CAP1: variants seen among roughly 807,000 people sequenced by gnomAD.
The protein encoded by CAP1 is adenylyl cyclase-associated protein 1.
In CAP1, 11 loss-of-function variants were observed where a neutral mutation model predicts 58.2. The ratio of observed to expected loss-of-function variants is 0.19; its 90% CI spans 0.12 to 0.31. The LOEUF (loss-of-function observed/expected upper bound fraction) is 0.31. Ranked by LOEUF, CAP1 falls within the 10% of genes least tolerant of loss-of-function variation. CAP1 has a pLI of 1.00. For synonymous variants in CAP1, 183 were observed against 213.8 expected (o/e 0.86, Z 1.26); for missense variants, 423 against 587.5 (o/e 0.72, Z 2.89).
At chr1:40,063,118 T>C (rs1646928199) in intron 4 of CAP1, among the ~76,000 whole-genome samples, 1 of 152,086 alleles carries the variant, frequency 6.6e-6, no homozygotes, top group Admixed American at 6.6e-5. Context: ...CACCTCAGCC[T>C]CCTGAGTAGC....
At chr1:40,066,410 A>C in intron 7 of CAP1, 90 bp downstream of exon 7, 1 of 717,520 alleles carries the variant, frequency 1.4e-6, no homozygotes. Context: ...AGCACTACCA[A>C]AGTCTGTGAG....
intron 1 of CAP1, among the ~76,000 whole-genome samples, chr1:40,044,781 TATA>T (rs1315661069): frequency 6.8e-6 from 1 of 147,918 alleles, no homozygotes; most frequent in African/African-American, 2.5e-5. Flanking sequence ...TTTTGGGCCA[TATA>T]ATTCTTTTTT....
At chr1:40,040,654 G>C (rs958924230), upstream of CAP1, 3 of 152,756 alleles carry the variant, frequency 2.0e-5, no homozygotes, top group Non-Finnish European at 4.4e-5. Context: ...TCGCGGGCCA[G>C]CCTAGCGCTT....
At chr1:40,048,197 G>A (rs1381063423) in intron 1 of CAP1, among the ~76,000 whole-genome samples, 2 of 151,784 alleles carry the variant, frequency 1.3e-5, no homozygotes, top group Admixed American at 6.6e-5. Context: ...ATCACGCCTG[G>A]CTAATTTTTT....
At chr1:40,063,049 G>A (rs913228164) in intron 4 of CAP1, among the ~76,000 whole-genome samples, 1 of 152,010 alleles carries the variant, frequency 6.6e-6, no homozygotes, top group Non-Finnish European at 1.5e-5. Flanking sequence ...CCAGACTGGA[G>A]GGTAGTGGTG....
rs1488844900 is a variant in CAP1, at chr1:40,067,633, G to A, written c.724G>A (p.Val242Ile). The change falls in exon 8 of 13, where the codon GTC becomes ATC. Residue 242 changes from valine (V) to isoleucine (I), a missense_variant. Coordinates refer to ENST00000372805, the MANE Select transcript of CAP1 (RefSeq NM_006367.4). ...TCCACCATGCCCCCCTCCTCCCCCA[G>A]TCTCTACCATTTCATGCTCATATGA... ...PPPPCPPPPP[V>I]STISCSYESA... The A allele has an allele frequency of 4.5e-6, 7 of 1,571,632 alleles. No individual in the cohort carries two copies. Among genetic ancestry groups the A allele is most frequent in the Non-Finnish European group, 8.7e-7 (1 of 1,149,600 alleles).
intron 1 of CAP1, among the ~76,000 whole-genome samples, chr1:40,042,740 A>T (rs995153981): frequency 6.6e-6 from 1 of 152,184 alleles, no homozygotes; most frequent in East Asian, 1.9e-4. Flanking sequence ...CCTGTGGGGA[A>T]GTAAAACAGT....
At chr1:40,057,895 C>G (rs1273392287) in intron 1 of CAP1, among the ~76,000 whole-genome samples, 3 of 152,152 alleles carry the variant, frequency 2.0e-5, no homozygotes, top group Non-Finnish European at 1.5e-5. Flanking sequence ...GTCTCAAATA[C>G]TTTATGTAGA....
intron 1 of CAP1, among the ~76,000 whole-genome samples, chr1:40,047,210 A>G (rs1646147849): frequency 6.6e-6 from 1 of 152,248 alleles, no homozygotes; most frequent in Non-Finnish European, 1.5e-5. Context: ...GTCATTATGT[A>G]ATGCATGACT....
chr1:40,069,483 A>T, intron 8 of CAP1: 1 of 568,708 alleles, frequency 1.8e-6, no homozygotes, highest in South Asian at 2.1e-5. Flanking sequence ...ATATACACAC[A>T]TTCCATGTTG....
chr1:40,064,071 G>A (rs572189949), intron 4 of CAP1, among the ~76,000 whole-genome samples, 156 bp from the exon 5 acceptor site: 2 of 152,324 alleles, frequency 1.3e-5, no homozygotes, highest in South Asian at 2.1e-4. Context: ...GTGAGATGAT[G>A]AGCAGTATTT....
At chr1:40,048,683 T>C (rs1192456649) in intron 1 of CAP1, among the ~76,000 whole-genome samples, 2 of 152,322 alleles carry the variant, frequency 1.3e-5, no homozygotes, top group South Asian at 4.1e-4. Context: ...TTCAAGTTTT[T>C]TTCCACACTT....
intron 1 of CAP1, among the ~76,000 whole-genome samples, chr1:40,053,555 A>G (rs58962840): frequency 0.14 from 21,566 of 152,022 alleles, 1,833 homozygotes; most frequent in African/African-American, 0.24. Context: ...GGTTCCAGCA[A>G]TTCTGCCTTA....
At chr1:40,062,797 G>GTGTGTGTGTGTGTGTGTGTGTA (rs1275568248) in intron 4 of CAP1, among the ~76,000 whole-genome samples, 2 of 151,322 alleles carry the variant, frequency 1.3e-5, no homozygotes, top group Non-Finnish European at 2.9e-5. Context: ...GTGTGTGTGT[G>GTGTGTGTGTGTGTGTGTGTGTA]TATAGATGCC....
chr1:40,043,338 C>T (rs562062394), intron 1 of CAP1, among the ~76,000 whole-genome samples: 236 of 152,234 alleles, frequency 1.6e-3, no homozygotes, highest in Non-Finnish European at 3.0e-3. Flanking sequence ...ACTGGGATTA[C>T]AGGCGTGCGC....
intron 1 of CAP1, 141 bp from the exon 2 acceptor site, chr1:40,059,196 T>C (rs1646744751): frequency 1.8e-6 from 1 of 558,210 alleles, no homozygotes; most frequent in East Asian, 3.0e-5. Flanking sequence ...GCAGATGATA[T>C]CTAATTTTAT....
intron 1 of CAP1, among the ~76,000 whole-genome samples, chr1:40,048,276 C>T (rs1028067705): frequency 1.2e-4 from 19 of 152,156 alleles, no homozygotes; most frequent in African/African-American, 4.3e-4. Flanking sequence ...CTCCTGACCT[C>T]AGGTGATCTG....
intron 1 of CAP1, among the ~76,000 whole-genome samples, chr1:40,050,926 G>T (rs1285980788): frequency 6.6e-6 from 1 of 152,156 alleles, no homozygotes; most frequent in Non-Finnish European, 1.5e-5. Flanking sequence ...GGCCCAGCTT[G>T]CTCATGCATC....
At chr1:40,060,636 C>T (rs555422357) in intron 3 of CAP1, among the ~76,000 whole-genome samples, 1 of 152,182 alleles carries the variant, frequency 6.6e-6, no homozygotes, top group East Asian at 1.9e-4. Context: ...TTCCTCCCAC[C>T]TTCCTTTATG....
Sources: allele counts gnomAD v4.1 joint callset (sites outside exome capture counted in the v4.1 genomes callset), GRCh38; gene constraint gnomAD v4.1.1; transcripts MANE v1.5; gene names NCBI Gene and HGNC (gene_info 2026-07-23, HGNC 2026-07-21).